Variants in VPS13A observed in about 807,000 individuals in gnomAD.
The protein encoded by VPS13A is intermembrane lipid transfer protein VPS13A.
In VPS13A, 264 loss-of-function variants were observed where a neutral mutation model predicts 390.9. The ratio of observed to expected loss-of-function variants is 0.68; its 90% CI spans 0.61 to 0.75. VPS13A has a LOEUF of 0.75. Among genes scored for constraint, VPS13A ranks in the 30% least tolerant of loss-of-function variants. The pLI, the probability that VPS13A is intolerant of heterozygous loss-of-function variation, is 0.00. For synonymous variants in VPS13A, 1,231 were observed against 1,227.1 expected (o/e 1.00, Z -0.07); for missense variants, 3,409 against 3,733.9 (o/e 0.91, Z 2.27).
intron 71 of VPS13A, among the ~76,000 whole-genome samples, chr9:77,411,532 G>A (rs796533116): frequency 8.6e-5 from 13 of 151,600 alleles, no homozygotes; most frequent in Middle Eastern, 3.4e-3. Flanking sequence ...GCGAGGTGGC[G>A]GGCGCCTGTA....
chr9:77,256,428 G>C (rs555442586), intron 22 of VPS13A, among the ~76,000 whole-genome samples: 2 of 152,180 alleles, frequency 1.3e-5, no homozygotes, highest in East Asian at 3.9e-4. Flanking sequence ...CTGTCCTGGA[G>C]AATGTTTCAT....
chr9:77,397,172 G>A (rs1834150701), intron 68 of VPS13A, among the ~76,000 whole-genome samples: 1 of 152,004 alleles, frequency 6.6e-6, no homozygotes, highest in Non-Finnish European at 1.5e-5. Flanking sequence ...TGTATTTTTA[G>A]TGGAGACGGG....
intron 19 of VPS13A, among the ~76,000 whole-genome samples, chr9:77,242,913 A>C (rs1013786165): frequency 2.6e-5 from 4 of 151,934 alleles, no homozygotes; most frequent in Admixed American, 6.6e-5. Context: ...TGTTCTTCCA[A>C]CTTTGTTTTC....
At chr9:77,342,291 T>C (rs1830875048) in intron 50 of VPS13A, among the ~76,000 whole-genome samples, 1 of 152,064 alleles carries the variant, frequency 6.6e-6, no homozygotes, top group Non-Finnish European at 1.5e-5. Context: ...TCAAAAATGC[T>C]CCAAAATTCG....
At chr9:77,341,390 G>C (rs971673604) in intron 50 of VPS13A, among the ~76,000 whole-genome samples, 2 of 152,090 alleles carry the variant, frequency 1.3e-5, no homozygotes, top group African/African-American at 2.4e-5. Context: ...TCTTCTCTTT[G>C]TCTTTGATGT....
intron 17 of VPS13A, 54 bp downstream of exon 17, chr9:77,228,318 T>C: frequency 6.8e-7 from 1 of 1,476,032 alleles, no homozygotes; most frequent in Non-Finnish European, 9.2e-7. Context: ...CACTGTGTTC[T>C]TAGACATTAG....
intron 46 of VPS13A, among the ~76,000 whole-genome samples, 178 bp downstream of exon 46, chr9:77,332,291 T>A (rs1830319468): frequency 6.6e-6 from 1 of 152,052 alleles, no homozygotes; most frequent in Non-Finnish European, 1.5e-5. Context: ...TAATAACTTA[T>A]ACCAAGCACA....
intron 19 of VPS13A, among the ~76,000 whole-genome samples, chr9:77,243,122 C>G (rs1304977629): frequency 6.6e-6 from 1 of 151,670 alleles, no homozygotes; most frequent in African/African-American, 2.4e-5. Flanking sequence ...CCTCATATTC[C>G]TCCTTTCTTC....
rs117315354 is a variant in VPS13A, at chr9:77,292,559, T to G, written c.3340-782T>G. ...AGGACTGTAGACTTCTTTTCAGCCC[T>G]GTCTTGTACCTCAGCCTTCGGAGGT... On this transcript the variant is annotated intron_variant, in intron 31 of 71. Transcript: ENST00000360280. Among the ~76,000 whole-genome samples, 1,284 of 152,282 alleles carry G rather than the reference T, an allele frequency of 8.4e-3. 10 individuals are homozygous for G. The highest frequency in any genetic ancestry group is 0.014 in the South Asian group (66 of 4,822).
chr9:77,180,980 T>A (rs1331949434), intron 1 of VPS13A, among the ~76,000 whole-genome samples: 2 of 151,136 alleles, frequency 1.3e-5, no homozygotes, highest in Non-Finnish European at 3.0e-5. Flanking sequence ...AGCATAGGAG[T>A]TTGAGATTAC....
intron 68 of VPS13A, among the ~76,000 whole-genome samples, chr9:77,394,703 G>A (rs1333044256): frequency 1.3e-5 from 2 of 152,214 alleles, no homozygotes; most frequent in African/African-American, 4.8e-5. Context: ...CTGTAGTTTA[G>A]TGTAGCCACT....
chr9:77,393,524 TG>T (rs1299592763), intron 68 of VPS13A, among the ~76,000 whole-genome samples: 2 of 152,210 alleles, frequency 1.3e-5, no homozygotes, highest in Admixed American at 1.3e-4. Flanking sequence ...CCCAACAAAA[TG>T]TATTTCTTAA....
chr9:77,240,528 G>A (rs934780326), intron 19 of VPS13A, among the ~76,000 whole-genome samples: 7 of 148,832 alleles, frequency 4.7e-5, no homozygotes, highest in African/African-American at 1.7e-4. Context: ...CCAGGCTGGG[G>A]GTGCGGTGGC....
intron 19 of VPS13A, among the ~76,000 whole-genome samples, chr9:77,245,532 G>A (rs1347735484): frequency 6.6e-6 from 1 of 152,158 alleles, no homozygotes; most frequent in Non-Finnish European, 1.5e-5. Context: ...CAGAATTTTT[G>A]ATGATCTGTC....
At chr9:77,184,839 C>T (rs1824235520) in intron 1 of VPS13A, among the ~76,000 whole-genome samples, 1 of 152,098 alleles carries the variant, frequency 6.6e-6, no homozygotes, top group Non-Finnish European at 1.5e-5. Flanking sequence ...GTTCCAAGAC[C>T]TGTGCAGATA....
intron 17 of VPS13A, among the ~76,000 whole-genome samples, chr9:77,236,717 AAGAC>A (rs1180801713): frequency 5.9e-5 from 9 of 152,254 alleles, no homozygotes; most frequent in African/African-American, 2.2e-4. Context: ...CTCAGAAAAT[AAGAC>A]AGACTAGAGA....
intron 34 of VPS13A, among the ~76,000 whole-genome samples, chr9:77,306,627 C>A (rs1157322486): frequency 1.3e-5 from 2 of 151,956 alleles, no homozygotes; most frequent in Non-Finnish European, 2.9e-5. Context: ...TAGAGGAGGT[C>A]AGTCTTTTTT....
At chr9:77,204,685 A>G (rs1825535062) in intron 3 of VPS13A, among the ~76,000 whole-genome samples, 1 of 152,112 alleles carries the variant, frequency 6.6e-6, no homozygotes, top group Admixed American at 6.5e-5. Context: ...GGAGGGCAGT[A>G]GCATGATCAT....
At chr9:77,216,751 C>T (rs1822888666) in intron 10 of VPS13A, among the ~76,000 whole-genome samples, 1 of 152,054 alleles carries the variant, frequency 6.6e-6, no homozygotes, top group African/African-American at 2.4e-5. Flanking sequence ...AAGGTGAGAT[C>T]CCTTAAATAG....
Sources: allele counts gnomAD v4.1 joint callset (sites outside exome capture counted in the v4.1 genomes callset), GRCh38; gene constraint gnomAD v4.1.1; transcripts MANE v1.5; gene names NCBI Gene and HGNC (gene_info 2026-07-23, HGNC 2026-07-21).